The following LRRC7 variants were observed in gnomAD, a reference collection of about 807,000 sequenced individuals.
The protein encoded by LRRC7 is leucine-rich repeat-containing protein 7.
Under a neutral mutation model 175.7 loss-of-function variants are expected in LRRC7, and 23 were observed. The observed-to-expected ratio is 0.13, with a 90% confidence interval of 0.09 to 0.19. The LOEUF is 0.19. Among genes scored for constraint, LRRC7 ranks in the 10% least tolerant of loss-of-function variants. LRRC7 has a pLI of 1.00. For synonymous variants in LRRC7, 685 were observed against 680.9 expected (o/e 1.01, Z -0.09); for missense variants, 1,354 against 1,904.7 (o/e 0.71, Z 5.38).
rs562756799 is a variant in LRRC7, at chr1:69,745,670, T to G, written c.101-14521T>G. ...AAATATTCACAGTATAATGCTAAAT[T>G]AAAAAGCATAACACAAAACAATGTA... On this transcript the variant is annotated intron_variant, in intron 2 of 26. Transcript: ENST00000651989. Among the ~76,000 whole-genome samples the G allele has an allele frequency of 2.6e-5, 4 of 151,924 alleles. No individual in the cohort carries two copies. The East Asian group carries it at 5.8e-4, about 22-fold the overall frequency.
chr1:69,987,240 G>A (rs1028504311), intron 10 of LRRC7, among the ~76,000 whole-genome samples: 4 of 151,726 alleles, frequency 2.6e-5, no homozygotes, highest in South Asian at 2.1e-4. Context: ...GGGAGACTCC[G>A]TCTCAAAAAC....
At chr1:69,626,462 CA>C (rs1651569082) in intron 1 of LRRC7, among the ~76,000 whole-genome samples, 1 of 151,238 alleles carries the variant, frequency 6.6e-6, no homozygotes, top group Non-Finnish European at 1.5e-5. Context: ...CATTCATCAC[CA>C]TTAATGAAAG....
At chr1:69,609,550 G>A (rs1466799991) in intron 1 of LRRC7, among the ~76,000 whole-genome samples, 1 of 151,910 alleles carries the variant, frequency 6.6e-6, no homozygotes, top group East Asian at 1.9e-4. Context: ...GTTAATATGT[G>A]TACTATTATA....
chr1:69,592,463 A>T (rs2100962835), intron 1 of LRRC7, among the ~76,000 whole-genome samples: 1 of 152,192 alleles, frequency 6.6e-6, no homozygotes, highest in South Asian at 2.1e-4. Context: ...ATATTTTCAT[A>T]ACTTTTAAGC....
intron 23 of LRRC7, among the ~76,000 whole-genome samples, chr1:70,056,441 C>CTTTA (rs1164411913): frequency 1.3e-5 from 2 of 152,190 alleles, no homozygotes; most frequent in Non-Finnish European, 1.5e-5. Context: ...TATGCCTCAA[C>CTTTA]TTTAGTACTT....
intron 2 of LRRC7, among the ~76,000 whole-genome samples, chr1:69,709,405 T>C (rs987904666): frequency 2.0e-5 from 3 of 152,182 alleles, no homozygotes; most frequent in Non-Finnish European, 2.9e-5. Flanking sequence ...GGCCACAGTC[T>C]AGCTGTAGTA....
At chr1:69,803,829 T>A (rs889026320) in intron 4 of LRRC7, among the ~76,000 whole-genome samples, 1 of 151,358 alleles carries the variant, frequency 6.6e-6, no homozygotes, top group Non-Finnish European at 1.5e-5. Context: ...CTTTCATAAA[T>A]CTCTACTACA....
chr1:69,952,655 A>T (rs1013054863), intron 8 of LRRC7, among the ~76,000 whole-genome samples: 3 of 152,098 alleles, frequency 2.0e-5, no homozygotes, highest in Non-Finnish European at 4.4e-5. Context: ...GGAGAAAATG[A>T]AAAAGAAGCA....
At chr1:69,861,824 C>G (rs11209564) in intron 7 of LRRC7, among the ~76,000 whole-genome samples, 85,179 of 151,882 alleles carry the variant, frequency 0.56, 24,002 homozygotes, top group East Asian at 0.7. Context: ...GTGTGGCGGA[C>G]CTGGAAATCA....
rs992265081 is a variant in LRRC7, at chr1:70,135,326, C to T, written c.*13439C>T. On this transcript the variant is annotated 3_prime_UTR_variant, in exon 27 of 27. Coordinates refer to ENST00000651989, the MANE Select transcript of LRRC7 (RefSeq NM_001370785.2). Reference sequence around the variant, plus strand: ...GGGGGCTTGTGGCTTATTCTTTTCACTTTTTTACCCATCTCCGTGCCATAC... The same window carrying T: ...GGGGGCTTGTGGCTTATTCTTTTCATTTTTTTACCCATCTCCGTGCCATAC... 6.6e-6 allele frequency among the ~76,000 whole-genome samples: 1 copy of T among 152,108 alleles called. No individual in the cohort carries two copies. Among genetic ancestry groups the T allele is most frequent in the African/African-American group, 2.4e-5 (1 of 41,416 alleles).
In LRRC7 at chr1:69,986,306, A is replaced by G; in HGVS notation, c.851A>G (p.Asp284Gly). ...DMSKNRIETV[D>G]MDISGCEALE... ...TCAAAAAACAGAATAGAAACAGTTG[A>G]CATGGACATTTCTGGATGTGAAGCC... Residue 284 changes from aspartate to glycine, a missense_variant, in exon 10 of 27, where the codon GAC becomes GGC. Asp to Gly is a moderately conservative substitution (Grantham distance 94). Coordinates refer to ENST00000651989, the MANE Select transcript of LRRC7 (RefSeq NM_001370785.2). The G allele has an allele frequency of 6.2e-7, 1 of 1,613,542 alleles. No individual in the cohort carries two copies. The highest frequency in any genetic ancestry group is 8.5e-7 in the Non-Finnish European group (1 of 1,179,650).
At chr1:69,644,066 C>A (rs1654636631) in intron 1 of LRRC7, among the ~76,000 whole-genome samples, 1 of 152,110 alleles carries the variant, frequency 6.6e-6, no homozygotes, top group Non-Finnish European at 1.5e-5. Flanking sequence ...TTCATTGTTT[C>A]AATGTCCTAT....
chr1:69,689,808 TAAAC>T (rs1661613962), intron 2 of LRRC7, among the ~76,000 whole-genome samples: 1 of 152,214 alleles, frequency 6.6e-6, no homozygotes, highest in Non-Finnish European at 1.5e-5. Flanking sequence ...GGGTTCCAGT[TAAAC>T]AGTGTCGTAA....
rs1010494804 is a variant in LRRC7 at position 69,700,929 on chromosome 1, G to A, written c.100+22451G>A. 1.3e-4 allele frequency among the ~76,000 whole-genome samples: 20 copies of A among 152,268 alleles called. 1 individual carries two copies. The highest frequency in any genetic ancestry group is 2.9e-4 in the African/African-American group (12 of 41,564). On this transcript the variant is annotated intron_variant, in intron 2 of 26. Coordinates refer to ENST00000651989, the MANE Select transcript of LRRC7 (RefSeq NM_001370785.2). ...GAAATCCTTGCATGTCAGACAACCCGTCAGTAGTCCACTGTAGCTCTGAGC... is the reference window on the plus strand; with the variant it reads ...GAAATCCTTGCATGTCAGACAACCCATCAGTAGTCCACTGTAGCTCTGAGC...
chr1:69,845,071 G>A (rs748719738), intron 7 of LRRC7, among the ~76,000 whole-genome samples: 3 of 151,914 alleles, frequency 2.0e-5, no homozygotes, highest in African/African-American at 2.4e-5. Flanking sequence ...GCAACAGAGC[G>A]AGGCCCTGTC....
intron 26 of LRRC7, among the ~76,000 whole-genome samples, chr1:70,120,533 TTC>T (rs1666139192): frequency 6.6e-6 from 1 of 152,116 alleles, no homozygotes; most frequent in Admixed American, 6.5e-5. Context: ...TGTATGGCAT[TTC>T]TAGAGATATA....
chr1:69,694,536 G>A (rs1662312257), intron 2 of LRRC7, among the ~76,000 whole-genome samples: 1 of 152,206 alleles, frequency 6.6e-6, no homozygotes, highest in African/African-American at 2.4e-5. Flanking sequence ...TTTTGACCTG[G>A]TGATATGGTT....
intron 7 of LRRC7, among the ~76,000 whole-genome samples, chr1:69,868,707 C>T (rs980284419): frequency 2.6e-5 from 4 of 152,022 alleles, no homozygotes; most frequent in Non-Finnish European, 5.9e-5. Context: ...ACTGCCATAA[C>T]AAAGTGCCAC....
chr1:70,020,161 A>G (rs956398248), intron 15 of LRRC7, among the ~76,000 whole-genome samples: 19 of 152,132 alleles, frequency 1.2e-4, no homozygotes, highest in Non-Finnish European at 2.8e-4. Flanking sequence ...GCAGGAGTGT[A>G]ATAAATGAGT....
Sources: gnomAD v4.1 joint callset for allele counts (sites outside exome capture counted in the v4.1 genomes callset) on GRCh38, gnomAD v4.1.1 for gene constraint, MANE v1.5 for transcripts, NCBI Gene and HGNC (gene_info 2026-07-23, HGNC 2026-07-21) for gene names.